Variants in CSMD1 observed in about 807,000 individuals in gnomAD.
CSMD1 encodes CUB and Sushi multiple domains 1, also known as CUB and sushi domain-containing protein 1.
A neutral mutation model predicts 417.5 loss-of-function variants in CSMD1; 213 were observed. That is an observed-to-expected ratio of 0.51 (90% CI 0.46 to 0.57). The LOEUF is 0.57. Among genes scored for constraint, CSMD1 ranks in the 20% least tolerant of loss-of-function variants. CSMD1 has a pLI of 0.00. For synonymous variants in CSMD1, 2,862 were observed against 1,736.8 expected (o/e 1.65, Z -16.11); for missense variants, 6,923 against 4,529.7 (o/e 1.53, Z -15.17).
chr8:3,163,043 T>G (rs1405176781), intron 37 of CSMD1, among the ~76,000 whole-genome samples: 4 of 152,180 alleles, frequency 2.6e-5, no homozygotes, highest in Non-Finnish European at 4.4e-5. Flanking sequence ...AATCAAAAAT[T>G]GATTTTGGTT....
intron 1 of CSMD1, among the ~76,000 whole-genome samples, chr8:4,842,187 A>T (rs762998071): frequency 6.6e-6 from 1 of 152,216 alleles, no homozygotes; most frequent in Non-Finnish European, 1.5e-5. Context: ...ACATGAAAAG[A>T]ATTGTAGCTG....
intron 5 of CSMD1, among the ~76,000 whole-genome samples, chr8:3,978,427 T>C (rs1018949604): frequency 2.0e-5 from 3 of 152,212 alleles, no homozygotes; most frequent in Non-Finnish European, 4.4e-5. Flanking sequence ...TTTCTATTCA[T>C]ACTCTTGGAA....
At chr8:3,905,868 G>T (rs1462620187) in intron 5 of CSMD1, among the ~76,000 whole-genome samples, 1 of 152,198 alleles carries the variant, frequency 6.6e-6, no homozygotes, top group Non-Finnish European at 1.5e-5. Context: ...ACCCAATTTA[G>T]CAGAAGGTTT....
chr8:3,653,574 G>T (rs1322600315), intron 7 of CSMD1, among the ~76,000 whole-genome samples: 1 of 152,186 alleles, frequency 6.6e-6, no homozygotes, highest in Non-Finnish European at 1.5e-5. Context: ...CTCCCAAAGT[G>T]CTGGGATTTC....
At chr8:3,494,554 TGATAGATAGATAGATAGATAGATAGATA>T (rs71199579) in intron 10 of CSMD1, among the ~76,000 whole-genome samples, 6 of 145,736 alleles carry the variant, frequency 4.1e-5, no homozygotes, top group African/African-American at 1.0e-4. Flanking sequence ...ACAGATTAGA[TGATAGATAGATAGATAGATAGATAGATA>T]GATAGATAGA....
intron 1 of CSMD1, among the ~76,000 whole-genome samples, chr8:4,920,961 A>G (rs1806431605): frequency 8.8e-5 from 1 of 11,396 alleles, no homozygotes; most frequent in Admixed American, 1.6e-3. Context: ...AAAGAAAGAA[A>G]GAAAGAAAGA....
At chr8:4,598,371 G>T (rs965301883) in intron 2 of CSMD1, among the ~76,000 whole-genome samples, 2 of 152,164 alleles carry the variant, frequency 1.3e-5, no homozygotes, top group South Asian at 4.1e-4. Flanking sequence ...CTGGTGCCTA[G>T]ATATTAGCTC....
intron 4 of CSMD1, among the ~76,000 whole-genome samples, chr8:4,016,770 T>C (rs915879840): frequency 6.6e-6 from 1 of 152,196 alleles, no homozygotes; most frequent in Non-Finnish European, 1.5e-5. Flanking sequence ...TTGACCTAAG[T>C]TTATGTGTAT....
chr8:4,164,572 C>G (rs920370285), intron 3 of CSMD1, among the ~76,000 whole-genome samples: 2 of 152,146 alleles, frequency 1.3e-5, no homozygotes, highest in African/African-American at 4.8e-5. Context: ...CGCCCAAAAT[C>G]TTCTTGAATG....
intron 8 of CSMD1, among the ~76,000 whole-genome samples, chr8:3,587,602 T>G (rs35086868): frequency 0.34 from 52,143 of 151,876 alleles, 10,246 homozygotes; most frequent in Middle Eastern, 0.44. Flanking sequence ...CGCACCAGCA[T>G]CCCCCACGGC....
intron 3 of CSMD1, among the ~76,000 whole-genome samples, chr8:4,262,462 G>A (rs566876869): frequency 1.3e-5 from 2 of 152,224 alleles, no homozygotes; most frequent in Non-Finnish European, 2.9e-5. Context: ...TGCAGGCAAA[G>A]ACAGATATTA....
At chr8:4,952,567 T>C (rs1052819934) in intron 1 of CSMD1, among the ~76,000 whole-genome samples, 16 of 152,200 alleles carry the variant, frequency 1.1e-4, no homozygotes, top group African/African-American at 3.8e-4. Context: ...ATTTTCACTT[T>C]AAAATTATCC....
chr8:3,351,298 G>T (rs1463660236), intron 21 of CSMD1, among the ~76,000 whole-genome samples: 1 of 151,724 alleles, frequency 6.6e-6, no homozygotes, highest in Non-Finnish European at 1.5e-5. Flanking sequence ...TTCCCCAAAA[G>T]TATTAAATTG....
chr8:4,966,638 C>A (rs4523278), intron 1 of CSMD1, among the ~76,000 whole-genome samples: 2 of 151,882 alleles, frequency 1.3e-5, no homozygotes, highest in Non-Finnish European at 2.9e-5. Flanking sequence ...TGTACAAACA[C>A]AGAAGGATGG....
chr8:3,519,572 C>T (rs1797416939), intron 10 of CSMD1, among the ~76,000 whole-genome samples: 1 of 152,140 alleles, frequency 6.6e-6, no homozygotes, highest in South Asian at 2.1e-4. Context: ...CCAATGAGTA[C>T]CTTGGTAGAG....
intron 12 of CSMD1, among the ~76,000 whole-genome samples, chr8:3,455,282 G>C (rs4875709): frequency 2.0e-5 from 3 of 151,990 alleles, no homozygotes; most frequent in Admixed American, 2.0e-4. Context: ...TCGGAGTAGT[G>C]TGATCATCTG....
chr8:4,100,273 T>TC (rs1368840224), intron 3 of CSMD1, among the ~76,000 whole-genome samples: 1 of 152,170 alleles, frequency 6.6e-6, no homozygotes, highest in Non-Finnish European at 1.5e-5. Flanking sequence ...GTCATAGTAT[T>TC]CATCCTTTTT....
intron 2 of CSMD1, among the ~76,000 whole-genome samples, chr8:4,539,748 A>G (rs565544120): frequency 4.6e-5 from 7 of 152,338 alleles, no homozygotes; most frequent in Non-Finnish European, 7.4e-5. Context: ...AAAATGTTTT[A>G]TCTTTAGTCA....
intron 1 of CSMD1, among the ~76,000 whole-genome samples, chr8:4,968,095 G>A (rs1458640323): frequency 2.0e-5 from 3 of 151,990 alleles, no homozygotes; most frequent in Non-Finnish European, 4.4e-5. Flanking sequence ...GTTTCATGAT[G>A]GATTTCCATT....
Sources: allele counts gnomAD v4.1 joint callset (sites outside exome capture counted in the v4.1 genomes callset), GRCh38; gene constraint gnomAD v4.1.1; transcripts MANE v1.5; gene names NCBI Gene and HGNC (gene_info 2026-07-23, HGNC 2026-07-21).